Variants in IL1RAPL1 observed in about 807,000 individuals in gnomAD.
IL1RAPL1 encodes interleukin-1 receptor accessory protein-like 1.
IL1RAPL1 carries 3 observed loss-of-function variants against 48.4 expected under a neutral mutation model. The observed-to-expected ratio is 0.06, with a 90% CI of 0.03 to 0.16. The LOEUF is 0.16. Ranked by LOEUF, IL1RAPL1 falls within the 10% of genes least tolerant of loss-of-function variation. IL1RAPL1 has a pLI of 1.00. For synonymous variants in IL1RAPL1, 185 were observed against 187.7 expected, an observed-to-expected ratio of 0.99 and a Z score of 0.12; for missense variants, 349 against 530.6, an observed-to-expected ratio of 0.66 and a Z score of 3.36.
At chrX:29,143,090 A>C (rs1216360944) in intron 2 of IL1RAPL1, among the ~76,000 whole-genome samples, 1 of 111,632 alleles carries the variant, frequency 9.0e-6, no homozygotes, top group Non-Finnish European at 1.9e-5. Context: ...GAGGTTATTT[A>C]AACCTCCCAT....
chrX:28,829,558 ATTTT>A (rs36082731), intron 2 of IL1RAPL1, among the ~76,000 whole-genome samples: 2 of 80,814 alleles, frequency 2.5e-5, no homozygotes, highest in Non-Finnish European at 4.6e-5. Context: ...GGGTGCTGGA[ATTTT>A]TTTTTTTTTT....
At chrX:28,876,617 A>T (rs749371365) in intron 2 of IL1RAPL1, among the ~76,000 whole-genome samples, 1 of 111,743 alleles carries the variant, frequency 8.9e-6, no homozygotes, top group South Asian at 3.8e-4. Context: ...TAGCTTTGCA[A>T]ACATGATAAT....
chrX:28,598,427 A>G (rs911134839), intron 1 of IL1RAPL1, among the ~76,000 whole-genome samples: 3 of 111,430 alleles, frequency 2.7e-5, no homozygotes, highest in Non-Finnish European at 1.9e-5. Context: ...TGGAAGATGT[A>G]GTAAGCTGGA....
chrX:29,167,310 C>A (rs752588614), intron 2 of IL1RAPL1, among the ~76,000 whole-genome samples: 1 of 109,673 alleles, frequency 9.1e-6, no homozygotes, highest in African/African-American at 3.3e-5. Context: ...CCTTCCCCTT[C>A]CCTTCCCTTC....
chrX:28,703,774 T>C (rs141262359), intron 1 of IL1RAPL1, among the ~76,000 whole-genome samples: 113 of 112,175 alleles, frequency 1.0e-3, no homozygotes, highest in African/African-American at 3.3e-3. Context: ...ACTTTGCTGA[T>C]CTTTTCAAAA....
intron 6 of IL1RAPL1, among the ~76,000 whole-genome samples, chrX:29,786,502 A>G (rs968712490): frequency 8.9e-6 from 1 of 111,881 alleles, no homozygotes; most frequent in Non-Finnish European, 1.9e-5. Flanking sequence ...GAAGGCTACC[A>G]TATGGTGTTT....
chrX:29,673,429 A>G (rs1926189945), intron 6 of IL1RAPL1, among the ~76,000 whole-genome samples: 1 of 111,407 alleles, frequency 9.0e-6, no homozygotes, highest in Non-Finnish European at 1.9e-5. Context: ...CATTCACGCT[A>G]CTGGTTGTCA....
At chrX:29,808,357 T>C (rs1309277595) in intron 6 of IL1RAPL1, among the ~76,000 whole-genome samples, 1 of 111,908 alleles carries the variant, frequency 8.9e-6, no homozygotes, top group Non-Finnish European at 1.9e-5. Context: ...AATAAGGTCT[T>C]ACATATAATC....
At chrX:29,127,741 T>C (rs1928928831) in intron 2 of IL1RAPL1, among the ~76,000 whole-genome samples, 1 of 111,298 alleles carries the variant, frequency 9.0e-6, no homozygotes, top group Non-Finnish European at 1.9e-5. Flanking sequence ...GGGTGGATCA[T>C]GAGGTCAGGA....
chrX:29,693,978 G>A (rs1236336862), intron 6 of IL1RAPL1, among the ~76,000 whole-genome samples: 1 of 111,430 alleles, frequency 9.0e-6, no homozygotes, highest in Non-Finnish European at 1.9e-5. Context: ...CGGTTAAGTA[G>A]CACTATTCAT....
At chrX:29,216,878 G>A (rs1057284036) in intron 2 of IL1RAPL1, among the ~76,000 whole-genome samples, 8 of 111,724 alleles carry the variant, frequency 7.2e-5, no homozygotes, top group African/African-American at 1.6e-4. Flanking sequence ...CAAGTATTAC[G>A]AGGTGACACA....
chrX:28,726,415 G>A (rs922019685), intron 1 of IL1RAPL1, among the ~76,000 whole-genome samples: 2 of 112,436 alleles, frequency 1.8e-5, no homozygotes, highest in African/African-American at 6.5e-5. Flanking sequence ...TTGGATGGAA[G>A]CTGTAATGTC....
chrX:28,717,294 A>G lies in IL1RAPL1; in HGVS notation c.-24-72026A>G, dbSNP rs138742787. Among the ~76,000 whole-genome samples the G allele has an allele frequency of 5.3e-3, 595 of 112,429 alleles. 1 individual carries two copies. The highest frequency in any genetic ancestry group is 0.018 in the African/African-American group (563 of 31,037). On this transcript the variant is annotated intron_variant, in intron 1 of 10. Transcript: ENST00000378993. ...TGGATAAAGAAAATGTAGTACATAT[A>G]TACCATTGAATACTATACAGCCATA...
intron 2 of IL1RAPL1, among the ~76,000 whole-genome samples, chrX:29,170,880 TGTG>T (rs756153497): frequency 3.8e-4 from 42 of 111,907 alleles, no homozygotes; most frequent in African/African-American, 1.3e-3. Flanking sequence ...AACATAACAA[TGTG>T]GTGATTATTA....
At chrX:29,768,335 A>T (rs866472215) in intron 6 of IL1RAPL1, among the ~76,000 whole-genome samples, 1 of 111,982 alleles carries the variant, frequency 8.9e-6, no homozygotes. Context: ...AATGAAAGTG[A>T]ATGCACAATG....
chrX:29,570,620 T>G (rs998095606), intron 5 of IL1RAPL1, among the ~76,000 whole-genome samples: 35 of 112,275 alleles, frequency 3.1e-4, no homozygotes, highest in African/African-American at 1.0e-3. Flanking sequence ...GATTGTTGCT[T>G]TATTTACTAA....
At chrX:28,696,724 T>A (rs184979700) in intron 1 of IL1RAPL1, among the ~76,000 whole-genome samples, 17 of 111,395 alleles carry the variant, frequency 1.5e-4, no homozygotes, top group Admixed American at 5.7e-4. Context: ...TATAATTTTA[T>A]AAGTAAAAAA....
intron 6 of IL1RAPL1, among the ~76,000 whole-genome samples, chrX:29,836,478 C>T (rs1226865425): frequency 2.7e-5 from 3 of 111,750 alleles, no homozygotes; most frequent in African/African-American, 6.5e-5. Context: ...CATGAGCCAC[C>T]GTGCCTGGCC....
rs141624390 is a variant in IL1RAPL1, at chrX:29,450,280, A to T, written c.703+50972A>T. Reference sequence around the variant, plus strand: ...CTGACATGTTTTAAAAAGTGTAACAAGTCTTAACAAGATTCCAGGAGGGGA... The same window carrying T: ...CTGACATGTTTTAAAAAGTGTAACATGTCTTAACAAGATTCCAGGAGGGGA... On this transcript the variant is annotated intron_variant, in intron 5 of 10. Transcript: ENST00000378993. Among the ~76,000 whole-genome samples the T allele has an allele frequency of 8.0e-3, 898 of 112,074 alleles. 6 individuals are homozygous for T. Among genetic ancestry groups the T allele is most frequent in the African/African-American group, 0.027 (841 of 30,900 alleles).
Sources: gnomAD v4.1 joint callset for allele counts (sites outside exome capture counted in the v4.1 genomes callset) on GRCh38, gnomAD v4.1.1 for gene constraint, MANE v1.5 for transcripts, NCBI Gene and HGNC (gene_info 2026-07-23, HGNC 2026-07-21) for gene names.